Variants in CLSPN observed in about 807,000 individuals in gnomAD.
CLSPN encodes the protein claspin.
A neutral mutation model predicts 156.3 loss-of-function variants in CLSPN; 85 were observed. The observed-to-expected ratio is 0.54, with a 90% CI of 0.46 to 0.65. CLSPN has a LOEUF of 0.65. Ranked by LOEUF, CLSPN falls within the 30% of genes least tolerant of loss-of-function variation. The pLI, the probability that CLSPN is intolerant of heterozygous loss-of-function variation, is 0.00. For missense variants in CLSPN, 1,407 were observed against 1,554.9 expected (o/e 0.90, Z 1.60); for synonymous variants, 534 against 542.4 (o/e 0.98, Z 0.22).
Position 35,733,658 on chromosome 1 carries a change from A to C in CLSPN, c.*2838T>G. Reference sequence around the variant, plus strand: ...CCCATGGATAAAATGAAGTACATACAAACTTAGCTAAAGAGAAAGGCCAAT... The same window carrying C: ...CCCATGGATAAAATGAAGTACATACCAACTTAGCTAAAGAGAAAGGCCAAT... On this transcript the variant is annotated 3_prime_UTR_variant, in exon 25 of 25. Transcript: ENST00000318121. The C allele has an allele frequency of 3.0e-6, 3 of 985,452 alleles. No individual in the cohort carries two copies. The highest frequency in any genetic ancestry group is 3.6e-6 in the Non-Finnish European group (3 of 829,940). 61.0% of individuals were successfully genotyped at this position (985,452 alleles called of 1,614,324 possible).
At chr1:35,747,183 G>A (rs550575673) in intron 14 of CLSPN, among the ~76,000 whole-genome samples, 191 bp from the exon 15 acceptor site, 5 of 152,090 alleles carry the variant, frequency 3.3e-5, no homozygotes, top group African/African-American at 7.2e-5. Context: ...TTAGCCGGGC[G>A]TGGTGGTGGG....
intron 24 of CLSPN, among the ~76,000 whole-genome samples, chr1:35,725,667 G>A (rs771320602): frequency 1.3e-5 from 2 of 152,128 alleles, no homozygotes; most frequent in Non-Finnish European, 2.9e-5. Context: ...AGCACAAAGG[G>A]CCAGCCTGAA....
chr1:35,737,549 A>C, intron 22 of CLSPN, 128 bp from the exon 23 acceptor site: 1 of 660,256 alleles, frequency 1.5e-6, no homozygotes, highest in African/African-American at 1.8e-5. Context: ...GTTCTATATA[A>C]TGGTGACTTT....
Position 35,733,929 on chromosome 1 carries a change from A to C in CLSPN, c.*2567T>G. On this transcript the variant is annotated 3_prime_UTR_variant, in exon 25 of 25. Transcript: ENST00000318121. Reference sequence around the variant, plus strand: ...CAGGAGTTCAAGGGTACAGTGAGCTATGATTGTGCCACTGCACTCTAACCT... The same window carrying C: ...CAGGAGTTCAAGGGTACAGTGAGCTCTGATTGTGCCACTGCACTCTAACCT... 1 of 856,264 alleles carries C rather than the reference A, an allele frequency of 1.2e-6. No individual in the cohort carries two copies. The highest frequency in any genetic ancestry group is 1.4e-6 in the Non-Finnish European group (1 of 712,154). 53.0% of individuals were successfully genotyped at this position (856,264 alleles called of 1,614,324 possible).
At chr1:35,744,783 G>T (rs1641818236) in intron 16 of CLSPN, among the ~76,000 whole-genome samples, 1 of 152,144 alleles carries the variant, frequency 6.6e-6, no homozygotes, top group Admixed American at 6.6e-5. Flanking sequence ...AGACTAAGAA[G>T]TGAAATTGCT....
At chr1:35,769,776 A>G (rs1362058022) in intron 1 of CLSPN, 71 bp downstream of exon 1, 3 of 1,463,428 alleles carry the variant, frequency 2.0e-6, no homozygotes, top group African/African-American at 3.0e-5. Flanking sequence ...AGCGGGGTCT[A>G]CCCCGGCCCC....
Position 35,764,263 on chromosome 1 carries a change from T to C in CLSPN, c.582+3A>G. The C allele has an allele frequency of 1.9e-6, 3 of 1,540,490 alleles. No homozygotes were observed. Among genetic ancestry groups the C allele is most frequent in the Non-Finnish European group, 2.6e-6 (3 of 1,144,304 alleles). On this transcript the variant is annotated splice_donor_region_variant and intron_variant, in intron 3 of 24. Transcript: ENST00000318121. ...CAATAGCAAATTATTCTTTAAAATG[T>C]ACCTGGTTTTTTGTTTCCTTCTTTT...
chr1:35,749,365 G>T, intron 12 of CLSPN, 102 bp downstream of exon 12: 1 of 1,051,662 alleles, frequency 9.5e-7, no homozygotes, highest in Non-Finnish European at 1.4e-6. Context: ...ACTGGGAAGT[G>T]ACCAGATTTA....
chr1:35,723,356 G>A (rs934362406), intron 24 of CLSPN, among the ~76,000 whole-genome samples: 1 of 152,238 alleles, frequency 6.6e-6, no homozygotes, highest in African/African-American at 2.4e-5. Context: ...GCAAACAGAT[G>A]TCAGAGCCAA....
Position 35,749,538 on chromosome 1 carries a change from A to C in CLSPN, c.2208-7T>G. Reference sequence around the variant, plus strand: ...TTCTTCAGTAGGAAAGTAACTGCAAAATAAGAAAGTAAATTGGTTCAGTAT... The same window carrying C: ...TTCTTCAGTAGGAAAGTAACTGCAACATAAGAAAGTAAATTGGTTCAGTAT... On this transcript the variant is annotated splice_region_variant and splice_polypyrimidine_tract_variant and intron_variant, in intron 11 of 24. Transcript: ENST00000318121. The C allele has an allele frequency of 6.2e-7, 1 of 1,614,134 alleles. No individual in the cohort carries two copies. Among genetic ancestry groups the C allele is most frequent in the Non-Finnish European group, 8.5e-7 (1 of 1,179,994 alleles).
downstream of CLSPN, among the ~76,000 whole-genome samples, chr1:35,731,831 C>T (rs1395952985): frequency 1.3e-5 from 2 of 152,120 alleles, no homozygotes; most frequent in Non-Finnish European, 2.9e-5. Context: ...GGAGGAAGAG[C>T]AGGTTTTTAG....
downstream of CLSPN, among the ~76,000 whole-genome samples, chr1:35,731,720 G>A (rs1302321511): frequency 6.6e-6 from 1 of 152,154 alleles, no homozygotes; most frequent in Non-Finnish European, 1.5e-5. Flanking sequence ...CTTGGAAATT[G>A]TCTGATTACA....
intron 8 of CLSPN, among the ~76,000 whole-genome samples, chr1:35,756,498 T>G (rs544468300): frequency 6.6e-6 from 1 of 152,322 alleles, no homozygotes; most frequent in African/African-American, 2.4e-5. Flanking sequence ...CTAAAACCCC[T>G]GTTCAAGTTC....
downstream of CLSPN, among the ~76,000 whole-genome samples, chr1:35,729,782 C>G (rs951550841): frequency 6.6e-6 from 1 of 152,222 alleles, no homozygotes; most frequent in African/African-American, 2.4e-5. Flanking sequence ...CATTCCTCAG[C>G]AGTGAGTTAG....
intron 4 of CLSPN, among the ~76,000 whole-genome samples, chr1:35,762,718 A>G (rs1642524965): frequency 6.6e-6 from 1 of 152,148 alleles, no homozygotes; most frequent in African/African-American, 2.4e-5. Flanking sequence ...AAAGAGGGAT[A>G]ATAACTCGCA....
At chr1:35,739,893 G>A (rs905907414) in intron 18 of CLSPN, among the ~76,000 whole-genome samples, 21 of 152,164 alleles carry the variant, frequency 1.4e-4, no homozygotes. Flanking sequence ...GCTAATAACT[G>A]TGCTTTACAG....
At chr1:35,747,063 C>T in intron 14 of CLSPN, 71 bp from the exon 15 acceptor site, 1 of 1,176,788 alleles carries the variant, frequency 8.5e-7, no homozygotes, top group Middle Eastern at 1.9e-4. Flanking sequence ...TAGCTCACGC[C>T]TGTAATCCCA....
rs774476657 is a variant in CLSPN, at chr1:35,736,004, G to T, written c.*492C>A. The T allele has an allele frequency of 2.1e-4, 187 of 901,388 alleles. No individual in the cohort carries two copies. Among genetic ancestry groups the T allele is most frequent in the Non-Finnish European group, 2.4e-4 (184 of 753,870 alleles). 55.8% of individuals were successfully genotyped at this position (901,388 alleles called of 1,614,324 possible). On this transcript the variant is annotated 3_prime_UTR_variant, in exon 25 of 25. Coordinates refer to ENST00000318121, the MANE Select transcript of CLSPN (RefSeq NM_022111.4). ...GGGCCGAGGTGGATGGATCATTTGA[G>T]GTCAGGAGTTCAAGACCAGCCTGGC...
At position 35,746,236 on chromosome 1, in the gene CLSPN, C is replaced by A. The variant is rs1008347983; in HGVS notation, c.2854+530G>T. 1.3e-5 allele frequency among the ~76,000 whole-genome samples: 2 copies of A among 152,138 alleles called. No individual in the cohort carries two copies. Among genetic ancestry groups the A allele is most frequent in the African/African-American group, 2.4e-5 (1 of 41,426 alleles). On this transcript the variant is annotated intron_variant, in intron 15 of 24. Coordinates refer to ENST00000318121, the MANE Select transcript of CLSPN (RefSeq NM_022111.4). The surrounding 1 kb of genome is among the most constrained non-coding windows in gnomAD (Gnocchi z 4.2). Reference sequence around the variant, plus strand: ...CTGGGATTACAGGCGTGAGCCACTGCGCCCGGCCTAAAGTAGTCTTAAGTT... The same window carrying A: ...CTGGGATTACAGGCGTGAGCCACTGAGCCCGGCCTAAAGTAGTCTTAAGTT...
Sources: gnomAD v4.1 joint callset for allele counts (sites outside exome capture counted in the v4.1 genomes callset) on GRCh38, gnomAD v4.1.1 for gene constraint, Gnocchi (gnomAD v3.1) non-coding constraint, MANE v1.5 for transcripts, NCBI Gene and HGNC (gene_info 2026-07-23, HGNC 2026-07-21) for gene names.